Variants in SLC24A3 observed in about 807,000 individuals in gnomAD.
SLC24A3 encodes sodium/potassium/calcium exchanger 3.
Under a neutral mutation model 75.8 loss-of-function variants are expected in SLC24A3, and 28 were observed. The observed-to-expected ratio is 0.37, with a 90% CI of 0.27 to 0.51. The LOEUF (loss-of-function observed/expected upper bound fraction) is 0.51, where lower values mean the gene tolerates loss of function less well. Ranked by LOEUF, SLC24A3 falls within the 20% of genes least tolerant of loss-of-function variation. SLC24A3 has a pLI of 0.94. For synonymous variants in SLC24A3, 372 were observed against 334.1 expected (o/e 1.11, Z -1.24); for missense variants, 663 against 847.8 (o/e 0.78, Z 2.71).
intron 2 of SLC24A3, among the ~76,000 whole-genome samples, chr20:19,428,320 A>C (rs1420758909): frequency 6.6e-6 from 1 of 152,130 alleles, no homozygotes; most frequent in African/African-American, 2.4e-5. Context: ...TTAAACATTC[A>C]CTGAGCTTGG....
At position 19,275,184 on chromosome 20, in the gene SLC24A3, C is replaced by T. The variant is rs376150287; in HGVS notation, c.143-5775C>T. 1.2e-4 allele frequency among the ~76,000 whole-genome samples: 18 copies of T among 152,306 alleles called. 1 individual carries two copies. In the East Asian group the frequency reaches 1.7e-3, roughly 15 times the overall value. On this transcript the variant is annotated intron_variant, in intron 1 of 16. Coordinates refer to ENST00000328041, the MANE Select transcript of SLC24A3 (RefSeq NM_020689.4). ...CCTCTCAAAAGGAGCTGCTATGCCC[C>T]TAAGGCCACTTCCCTGGGCTCCTGG...
intron 1 of SLC24A3, chr20:19,266,146 C>T (rs1341699741): frequency 6.6e-6 from 1 of 151,298 alleles, no homozygotes; most frequent in African/African-American, 2.4e-5. Flanking sequence ...AGTACTGGGG[C>T]CAATAAGAAA....
At chr20:19,506,428 T>C (rs1238985476) in intron 2 of SLC24A3, among the ~76,000 whole-genome samples, 4 of 152,272 alleles carry the variant, frequency 2.6e-5, no homozygotes, top group Non-Finnish European at 4.4e-5. Flanking sequence ...GAAGGACTTA[T>C]GCCCTTAAAA....
chr20:19,413,069 G>A (rs1986773098), intron 2 of SLC24A3, among the ~76,000 whole-genome samples: 1 of 152,138 alleles, frequency 6.6e-6, no homozygotes, highest in Admixed American at 6.5e-5. Flanking sequence ...ACACTTCTAG[G>A]ATCTGTTAGC....
chr20:19,248,738 G>A (rs996816263), intron 1 of SLC24A3, among the ~76,000 whole-genome samples: 10 of 152,004 alleles, frequency 6.6e-5, no homozygotes, highest in African/African-American at 2.4e-4. Flanking sequence ...CCAAGATACG[G>A]CAGCAACCAA....
At chr20:19,667,510 G>A (rs941804692) in intron 8 of SLC24A3, among the ~76,000 whole-genome samples, 25 of 152,234 alleles carry the variant, frequency 1.6e-4, no homozygotes, top group Admixed American at 7.2e-4. Flanking sequence ...GTGCTTCAAC[G>A]TTGCTCAGTG....
chr20:19,329,489 C>T (rs1984947960), intron 2 of SLC24A3, among the ~76,000 whole-genome samples: 1 of 152,230 alleles, frequency 6.6e-6, no homozygotes, highest in Non-Finnish European at 1.5e-5. Flanking sequence ...TTTAGTTCAG[C>T]TATTCCTTGG....
At chr20:19,424,736 A>C (rs1392012047) in intron 2 of SLC24A3, among the ~76,000 whole-genome samples, 17 of 37,786 alleles carry the variant, frequency 4.5e-4, no homozygotes, top group African/African-American at 1.4e-3. Context: ...CTCAAAAAAA[A>C]AACAACAACA....
intron 2 of SLC24A3, among the ~76,000 whole-genome samples, chr20:19,350,433 G>T (rs975571032): frequency 2.0e-5 from 3 of 151,902 alleles, no homozygotes; most frequent in Non-Finnish European, 4.4e-5. Context: ...TTGCATTTAG[G>T]AAACATTAAG....
chr20:19,346,344 G>GGT lies in SLC24A3; in HGVS notation c.271+65258_271+65259dup, dbSNP rs1555788954. 1.2e-3 allele frequency among the ~76,000 whole-genome samples: 57 copies of GGT among 46,606 alleles called. 1 individual carries two copies. The highest frequency in any genetic ancestry group is 2.0e-3 in the African/African-American group (16 of 8,076). The allele number at this position is 46,606 out of a possible 152,430, so 30.6% of individuals were successfully genotyped here. On this transcript the variant is annotated intron_variant, in intron 2 of 16. Coordinates refer to ENST00000328041, the MANE Select transcript of SLC24A3 (RefSeq NM_020689.4). Reference sequence around the variant, plus strand: ...ATATATATATGGTGTATATATATATGGTATATATATGGTGTATATATATGT... The same window carrying GGT: ...ATATATATATGGTGTATATATATATGGTGTATATATATGGTGTATATATATGT...
intron 2 of SLC24A3, among the ~76,000 whole-genome samples, chr20:19,435,565 G>T (rs866156028): frequency 6.6e-6 from 1 of 152,174 alleles, no homozygotes; most frequent in African/African-American, 2.4e-5. Context: ...ACAGTTAGGG[G>T]TATCCCAGGG....
intron 6 of SLC24A3, among the ~76,000 whole-genome samples, chr20:19,637,689 A>G (rs1346798119): frequency 6.6e-6 from 1 of 152,234 alleles, no homozygotes; most frequent in Non-Finnish European, 1.5e-5. Flanking sequence ...TAGAATGTAA[A>G]TGTTTTCAGT....
intron 1 of SLC24A3, among the ~76,000 whole-genome samples, chr20:19,263,773 TG>T: frequency 6.6e-6 from 1 of 152,210 alleles, no homozygotes; most frequent in Non-Finnish European, 1.5e-5. Flanking sequence ...TTGCAAGCAA[TG>T]GGCCAAAGAA....
At chr20:19,558,918 G>A (rs1255724998) in intron 3 of SLC24A3, among the ~76,000 whole-genome samples, 1 of 152,026 alleles carries the variant, frequency 6.6e-6, no homozygotes, top group Non-Finnish European at 1.5e-5. Flanking sequence ...CTGGTTTGGG[G>A]GTATTATGAA....
intron 1 of SLC24A3, among the ~76,000 whole-genome samples, chr20:19,227,855 C>T (rs1013204363): frequency 1.1e-4 from 16 of 152,086 alleles, no homozygotes; most frequent in African/African-American, 3.6e-4. Flanking sequence ...ATTTATCTTT[C>T]CAGATGAATT....
chr20:19,589,544 C>T (rs2031344011), intron 6 of SLC24A3, among the ~76,000 whole-genome samples: 1 of 152,148 alleles, frequency 6.6e-6, no homozygotes, highest in South Asian at 2.1e-4. Context: ...CATAGTAAAA[C>T]ATTTGCTATG....
At chr20:19,252,646 G>GGA (rs537608282) in intron 1 of SLC24A3, among the ~76,000 whole-genome samples, 1 of 148,990 alleles carries the variant, frequency 6.7e-6, no homozygotes, top group Admixed American at 6.7e-5. Flanking sequence ...GGAATGGCGG[G>GGA]GGGGGGTGCC....
At chr20:19,258,263 C>T (rs1385041610) in intron 1 of SLC24A3, among the ~76,000 whole-genome samples, 1 of 152,224 alleles carries the variant, frequency 6.6e-6, no homozygotes, top group Non-Finnish European at 1.5e-5. Context: ...TCTTCTTCCC[C>T]ATTCCAGGCT....
In SLC24A3 at chr20:19,269,783, G is replaced by C. The variant is rs536992235; in HGVS notation, c.143-11176G>C. 6.6e-5 allele frequency among the ~76,000 whole-genome samples: 10 copies of C among 152,288 alleles called. No homozygotes were observed. In the East Asian group the frequency reaches 1.9e-3, roughly 29 times the overall value. On this transcript the variant is annotated intron_variant, in intron 1 of 16. Coordinates refer to ENST00000328041, the MANE Select transcript of SLC24A3 (RefSeq NM_020689.4). ...GGTTCATTTCACTCTCCATCATCAGGTGAGGTGGGCACACAATTATAGTAT... is the reference window on the plus strand; with the variant it reads ...GGTTCATTTCACTCTCCATCATCAGCTGAGGTGGGCACACAATTATAGTAT...
Sources: allele counts gnomAD v4.1 joint callset (sites outside exome capture counted in the v4.1 genomes callset), GRCh38; gene constraint gnomAD v4.1.1; transcripts MANE v1.5; gene names NCBI Gene and HGNC (gene_info 2026-07-23, HGNC 2026-07-21).